HNRNPM: variants seen among roughly 807,000 people sequenced by gnomAD.
HNRNPM encodes the protein CEA receptor.
In HNRNPM, 11 loss-of-function variants were observed where a neutral mutation model predicts 73.1. The observed-to-expected ratio is 0.15, with a 90% CI of 0.09 to 0.25. HNRNPM has a LOEUF of 0.25. Ranked by LOEUF, HNRNPM falls within the 10% of genes least tolerant of loss-of-function variation. HNRNPM has a pLI of 1.00. For missense variants in HNRNPM, 789 were observed against 1,067.9 expected (o/e 0.74, Z 3.64); for synonymous variants, 407 against 355.2 (o/e 1.15, Z -1.64).
At chr19:8,484,181 T>G (rs1971110848) in intron 13 of HNRNPM, among the ~76,000 whole-genome samples, 1 of 145,318 alleles carries the variant, frequency 6.9e-6, no homozygotes, top group African/African-American at 2.6e-5. Context: ...TTCTTTTTTT[T>G]TTTTTTTTTT....
At chr19:8,450,245 A>G (rs1968510524) in intron 1 of HNRNPM, among the ~76,000 whole-genome samples, 3 of 152,062 alleles carry the variant, frequency 2.0e-5, no homozygotes, top group African/African-American at 7.2e-5. Context: ...TGTGATCACA[A>G]TTTCAGGGTA....
In HNRNPM at chr19:8,486,357, C is replaced by T; in HGVS notation, c.1929C>T (p.Gly643=). 1 of 1,596,342 alleles carries T rather than the reference C, an allele frequency of 6.3e-7. No individual in the cohort carries two copies. Among genetic ancestry groups the T allele is most frequent in the East Asian group, 2.2e-5 (1 of 44,796 alleles). ...SFAGSFGGAG[G]HAPGVARKAC... is the part of the protein sequence containing the mutation. ...CAGGTTCCTTTGGTGGAGCTGGAGG[C>T]CATGCTCCTGGGGTGGCCAGGAAGG... The change falls in exon 14 of 16, where the codon GGC becomes GGT. Residue 643 remains glycine (G), a synonymous_variant. Transcript: ENST00000325495.
intron 1 of HNRNPM, 139 bp from the exon 2 acceptor site, chr19:8,455,266 C>A: frequency 1.5e-6 from 1 of 685,706 alleles, no homozygotes; most frequent in Non-Finnish European, 2.4e-6. Flanking sequence ...CAGGTGTGAG[C>A]CACCGCATCT....
intron 6 of HNRNPM, among the ~76,000 whole-genome samples, 164 bp from the exon 7 acceptor site, chr19:8,466,071 G>A (rs1969724365): frequency 6.6e-6 from 1 of 152,048 alleles, no homozygotes. Context: ...TGAAGGCCAG[G>A]CTTTATAATC....
At chr19:8,477,456 A>G (rs12611110) in intron 12 of HNRNPM, among the ~76,000 whole-genome samples, 122,846 of 151,998 alleles carry the variant, frequency 0.81, 54,065 homozygotes, top group East Asian at 0.98. Context: ...TCAGGAGTTC[A>G]AGACCAGCCA....
intron 1 of HNRNPM, among the ~76,000 whole-genome samples, chr19:8,447,263 T>C (rs1968257510): frequency 6.6e-6 from 1 of 151,516 alleles, no homozygotes. Context: ...TGGAAAACTT[T>C]TTTTTTTTTT....
intron 12 of HNRNPM, 157 bp from the exon 13 acceptor site, chr19:8,483,001 T>C (rs919901433): frequency 3.0e-5 from 18 of 602,914 alleles, no homozygotes; most frequent in Non-Finnish European, 5.3e-5. Context: ...CCTAGTTCTC[T>C]GTAAAATGAT....
intron 12 of HNRNPM, among the ~76,000 whole-genome samples, chr19:8,478,397 G>GT (rs1970664305): frequency 6.6e-6 from 1 of 152,114 alleles, no homozygotes; most frequent in African/African-American, 2.4e-5. Flanking sequence ...CCACAGAGAT[G>GT]GAGCGTGGCA....
chr19:8,488,930 G>T lies in HNRNPM; in HGVS notation c.*76G>T, dbSNP rs987790915. The T allele has an allele frequency of 6.7e-6, 9 of 1,335,280 alleles. No homozygotes were observed. Among genetic ancestry groups the T allele is most frequent in the Non-Finnish European group, 9.3e-6 (9 of 969,244 alleles). The allele number at this position is 1,335,280 out of a possible 1,614,324, so 82.7% of individuals were successfully genotyped here. A position where few individuals can be genotyped will look rare whatever the true frequency, so the allele number is the denominator to read the frequency against. ...TCTTGTTAACCATTTTAATTTGTTG[G>T]CTGGATGTATAAAGATGTTTAAAAA... On this transcript the variant is annotated 3_prime_UTR_variant, in exon 16 of 16. Coordinates refer to ENST00000325495, the MANE Select transcript of HNRNPM (RefSeq NM_005968.5).
At chr19:8,473,622 C>T (rs974859897) in intron 10 of HNRNPM, 42 bp from the exon 11 acceptor site, 28 of 1,272,272 alleles carry the variant, frequency 2.2e-5, no homozygotes, top group Non-Finnish European at 3.1e-5. Flanking sequence ...TTATTTACTG[C>T]TTTGACATAA....
chr19:8,462,993 GT>G lies in HNRNPM; in HGVS notation c.336+414del, dbSNP rs555170147. On this transcript the variant is annotated intron_variant, in intron 3 of 15. Coordinates refer to ENST00000325495, the MANE Select transcript of HNRNPM (RefSeq NM_005968.5). This position sits in a 1 kb window ranked among gnomAD's most constrained non-coding sequence, Gnocchi z 4.5. ...TTGTGTGAACCAAAGATTCCGAAAAGTTGCCTTTGTGCCAGTAAATTGTAAA... is the reference window on the plus strand; with the variant it reads ...TTGTGTGAACCAAAGATTCCGAAAAGTGCCTTTGTGCCAGTAAATTGTAAA... Among the ~76,000 whole-genome samples, 89 of 152,350 alleles carry G rather than the reference GT, an allele frequency of 5.8e-4. No individual in the cohort carries two copies. The highest frequency in any genetic ancestry group is 1.2e-3 in the Non-Finnish European group (81 of 68,030).
chr19:8,461,094 C>A (rs1969365288), intron 2 of HNRNPM, among the ~76,000 whole-genome samples: 1 of 152,174 alleles, frequency 6.6e-6, no homozygotes. Flanking sequence ...TTCTTCATTT[C>A]TTTGCACTGA....
At chr19:8,479,914 A>G (rs1299666938) in intron 12 of HNRNPM, among the ~76,000 whole-genome samples, 5 of 148,570 alleles carry the variant, frequency 3.4e-5, no homozygotes, top group African/African-American at 1.2e-4. Flanking sequence ...AGCTGGGATT[A>G]CAGGCGCGTG....
Position 8,489,011 on chromosome 19 carries a change from T to A in HNRNPM, c.*157T>A, listed in dbSNP as rs1050921538. 4 of 673,416 alleles carry A rather than the reference T, an allele frequency of 5.9e-6. No homozygotes were observed. The African/African-American group carries it at 7.2e-5, about 12-fold the overall frequency. 41.7% of individuals were successfully genotyped at this position (673,416 alleles called of 1,614,324 possible). On this transcript the variant is annotated 3_prime_UTR_variant, in exon 16 of 16. Coordinates refer to ENST00000325495, the MANE Select transcript of HNRNPM (RefSeq NM_005968.5). ...ACTTTTTTAATGACTGGGGTTCCATTTGACTGTTTGCATTGAGATTGCAAT... is the reference window on the plus strand; with the variant it reads ...ACTTTTTTAATGACTGGGGTTCCATATGACTGTTTGCATTGAGATTGCAAT...
At chr19:8,458,368 G>A (rs899814958) in intron 2 of HNRNPM, among the ~76,000 whole-genome samples, 1 of 152,214 alleles carries the variant, frequency 6.6e-6, no homozygotes, top group Non-Finnish European at 1.5e-5. Flanking sequence ...ATCTTAAAGT[G>A]ATTGACCATA....
rs556853891 is a variant in HNRNPM at position 8,445,223 on chromosome 19, G to C, written c.113+112G>C. 16 of 966,164 alleles carry C rather than the reference G, an allele frequency of 1.7e-5. No individual in the cohort carries two copies. In the East Asian group the frequency reaches 3.3e-4, roughly 20 times the overall value. The allele number at this position is 966,164 out of a possible 1,614,324, so 59.8% of individuals were successfully genotyped here. On this transcript the variant is annotated intron_variant, in intron 1 of 15. Coordinates refer to ENST00000325495, the MANE Select transcript of HNRNPM (RefSeq NM_005968.5). ...CTAGCCCCGGCGCGGCCTCGGCCCC[G>C]GCTGTTCCCGTACCGCCTGCTCAGG... is the stretch of plus-strand genomic sequence containing the variant.
At chr19:8,452,535 T>C (rs1968702865) in intron 1 of HNRNPM, among the ~76,000 whole-genome samples, 1 of 152,224 alleles carries the variant, frequency 6.6e-6, no homozygotes, top group Non-Finnish European at 1.5e-5. Flanking sequence ...GGGTAACAGT[T>C]GTAGGTCTCC....
At chr19:8,460,549 A>ACT (rs904804456) in intron 2 of HNRNPM, among the ~76,000 whole-genome samples, 3 of 152,242 alleles carry the variant, frequency 2.0e-5, no homozygotes, top group African/African-American at 7.2e-5. Flanking sequence ...CTAGACTGTT[A>ACT]CGTGGAAAAA....
rs773146380 is a variant in HNRNPM, at chr19:8,486,175, C to T, written c.1747C>T (p.Arg583Cys). Reference sequence around the variant, plus strand: ...CAGCCTCGAGCGCATGGGCCTGGAGCGCATGGGTGCCAACAGCCTCGAGCG... The same window carrying T: ...CAGCCTCGAGCGCATGGGCCTGGAGTGCATGGGTGCCAACAGCCTCGAGCG... ...ANSLERMGLE[R>C]MGANSLERMG... The change falls in exon 14 of 16, where the codon CGC becomes TGC. Residue 583 changes from arginine to cysteine, a missense_variant. Arg to Cys is a radical substitution (Grantham distance 180). This residue lies in a region of HNRNPM where 604 missense variants were observed against 744.0 expected (regional missense o/e 0.81). Coordinates refer to ENST00000325495, the MANE Select transcript of HNRNPM (RefSeq NM_005968.5). The T allele has an allele frequency of 3.2e-6, 5 of 1,585,332 alleles. No homozygotes were observed. The highest frequency in any genetic ancestry group is 3.4e-5 in the Admixed American group (2 of 59,032).
Sources: gnomAD v4.1 joint callset for allele counts (sites outside exome capture counted in the v4.1 genomes callset) on GRCh38, gnomAD v4.1.1 for gene constraint, gnomAD v4.1.1 regional missense constraint, Gnocchi (gnomAD v3.1) non-coding constraint, MANE v1.5 for transcripts, NCBI Gene and HGNC (gene_info 2026-07-23, HGNC 2026-07-21) for gene names.